LMO7: variants seen among roughly 807,000 people sequenced by gnomAD.
The protein encoded by LMO7 is LIM domain 7.
LMO7 carries 120 observed loss-of-function variants against 206.5 expected under a neutral mutation model. The observed-to-expected ratio is 0.58, with a 90% CI of 0.50 to 0.68. The LOEUF (loss-of-function observed/expected upper bound fraction) is 0.68. Among genes scored for constraint, LMO7 ranks in the 30% least tolerant of loss-of-function variants. LMO7 has a pLI of 0.00. For missense variants in LMO7, 1,959 were observed against 1,957.9 expected (o/e 1.00, Z -0.01); for synonymous variants, 706 against 681.5 (o/e 1.04, Z -0.56).
At chr13:75,638,232 C>T (rs1026757543) in intron 1 of LMO7, among the ~76,000 whole-genome samples, 4 of 152,060 alleles carry the variant, frequency 2.6e-5, no homozygotes, top group Non-Finnish European at 1.5e-5. Flanking sequence ...GTATTTGCTT[C>T]AGGAAACATG....
At chr13:75,746,437 G>T (rs948556776) in intron 3 of LMO7, among the ~76,000 whole-genome samples, 1 of 152,332 alleles carries the variant, frequency 6.6e-6, no homozygotes. Context: ...ATCAACGGGC[G>T]TGTCCCCATG....
intron 4 of LMO7, among the ~76,000 whole-genome samples, chr13:75,792,237 G>T (rs915772533): frequency 2.6e-5 from 4 of 152,070 alleles, no homozygotes; most frequent in African/African-American, 9.7e-5. Context: ...CAAAGTGCTG[G>T]GATTACAGGA....
chr13:75,636,820 A>T, intron 1 of LMO7, 94 bp downstream of exon 1: 1 of 1,294,650 alleles, frequency 7.7e-7, no homozygotes, highest in African/African-American at 1.5e-5. Flanking sequence ...TCTGCACTTT[A>T]GCCTCCTTCG....
intron 1 of LMO7, among the ~76,000 whole-genome samples, chr13:75,654,876 C>CTCT (rs1555288249): frequency 1.5e-4 from 21 of 141,174 alleles, no homozygotes; most frequent in East Asian, 4.1e-4. Context: ...TCTCTTCTCT[C>CTCT]TTTTTTTTTT....
intron 2 of LMO7, among the ~76,000 whole-genome samples, chr13:75,625,222 C>A (rs2033867960): frequency 1.3e-5 from 2 of 152,204 alleles, no homozygotes; most frequent in East Asian, 1.9e-4. Flanking sequence ...CAAAGAATTT[C>A]TCTTTTCCAC....
intron 1 of LMO7, among the ~76,000 whole-genome samples, chr13:75,664,007 T>C (rs919297569): frequency 6.6e-6 from 1 of 152,196 alleles, no homozygotes; most frequent in African/African-American, 2.4e-5. Flanking sequence ...CTCTTTCAGT[T>C]ATTTTAAAAT....
chr13:75,807,634 A>T lies in LMO7; in HGVS notation c.1351A>T (p.Met451Leu). 3.1e-6 allele frequency: 5 copies of T among 1,613,992 alleles called. No homozygotes were observed. The highest frequency in any genetic ancestry group is 4.2e-6 in the Non-Finnish European group (5 of 1,179,884). ...APGYRRDDLEMAALDPDLEND... is the reference protein window; with the variant it reads ...APGYRRDDLELAALDPDLEND... The stretch of plus-strand genomic sequence containing the variant: ...AGGCTATAGAAGAGATGACCTCGAG[A>T]TGGCAGCCCTGGATCCTGACTTAGA... The change falls in exon 10 of 31, where the codon ATG (methionine) becomes TTG (leucine). Residue 451 changes from methionine to leucine, a missense_variant. By Grantham distance (15) the Met-to-Leu change is conservative. Coordinates refer to ENST00000377534, the MANE Select transcript of LMO7 (RefSeq NM_001306080.2).
chr13:75,843,905 A>G (rs2059756484), intron 25 of LMO7, among the ~76,000 whole-genome samples: 1 of 152,298 alleles, frequency 6.6e-6, no homozygotes, highest in Non-Finnish European at 1.5e-5. Flanking sequence ...ATAAAAGGGG[A>G]AAAGGAAAGG....
chr13:75,817,471 T>C (rs1228772360), intron 12 of LMO7, among the ~76,000 whole-genome samples, 193 bp downstream of exon 12: 1 of 152,188 alleles, frequency 6.6e-6, no homozygotes, highest in Non-Finnish European at 1.5e-5. Flanking sequence ...TTAAAGGCCA[T>C]TGTGAAAAAT....
intron 1 of LMO7, among the ~76,000 whole-genome samples, chr13:75,701,425 T>A (rs929842283): frequency 3.3e-5 from 5 of 152,206 alleles, no homozygotes; most frequent in Non-Finnish European, 5.9e-5. Context: ...ATGAATGTGA[T>A]CCCACAGCGA....
At chr13:75,701,186 GAAGGTTGACAGA>G (rs2137903645) in intron 1 of LMO7, among the ~76,000 whole-genome samples, 3 of 105,440 alleles carry the variant, frequency 2.8e-5, no homozygotes, top group African/African-American at 8.7e-5. Context: ...TTTGCTTCTG[GAAGGTTGACAGA>G]TGGACTTCGT....
chr13:75,680,765 C>T (rs2040414794), intron 1 of LMO7, among the ~76,000 whole-genome samples: 1 of 152,106 alleles, frequency 6.6e-6, no homozygotes, highest in African/African-American at 2.4e-5. Flanking sequence ...GTTCCCCTCC[C>T]TGTGTCCATG....
intron 3 of LMO7, among the ~76,000 whole-genome samples, chr13:75,753,739 A>G (rs2047458869): frequency 6.6e-6 from 1 of 152,190 alleles, no homozygotes; most frequent in Non-Finnish European, 1.5e-5. Context: ...CCTCTCCACA[A>G]TGATTTTAAG....
At chr13:75,827,847 A>G (rs148778431) in intron 15 of LMO7, among the ~76,000 whole-genome samples, 34 of 152,336 alleles carry the variant, frequency 2.2e-4, no homozygotes, top group African/African-American at 6.5e-4. Flanking sequence ...GAAGGAAGGA[A>G]GGAAGCTTTC....
At chr13:75,626,611 G>T (rs1000160437) in intron 2 of LMO7, among the ~76,000 whole-genome samples, 8 of 87,146 alleles carry the variant, frequency 9.2e-5, no homozygotes, top group African/African-American at 2.9e-4. Flanking sequence ...TTGAGACAGG[G>T]TCTCACTCTG....
intron 3 of LMO7, among the ~76,000 whole-genome samples, chr13:75,739,917 A>T (rs1031604032): frequency 2.0e-5 from 3 of 152,196 alleles, no homozygotes; most frequent in African/African-American, 4.8e-5. Context: ...TCCAAAATTG[A>T]AACCAAGAGA....
chr13:75,779,857 A>G (rs1465574128), intron 4 of LMO7, among the ~76,000 whole-genome samples: 3 of 152,070 alleles, frequency 2.0e-5, no homozygotes, highest in Non-Finnish European at 4.4e-5. Flanking sequence ...GTTCTTTTCT[A>G]TTTTCCCTAA....
chr13:75,642,142 G>T (rs987649176), intron 1 of LMO7, among the ~76,000 whole-genome samples: 1 of 152,190 alleles, frequency 6.6e-6, no homozygotes, highest in Non-Finnish European at 1.5e-5. Context: ...AGAATAGCCT[G>T]ACTCCAGGAA....
intron 5 of LMO7, among the ~76,000 whole-genome samples, chr13:75,795,865 G>T (rs1444312969): frequency 6.6e-6 from 1 of 152,098 alleles, no homozygotes; most frequent in Non-Finnish European, 1.5e-5. Flanking sequence ...AATGCATGTG[G>T]GACTTAATAG....
Sources: allele counts gnomAD v4.1 joint callset (sites outside exome capture counted in the v4.1 genomes callset), GRCh38; gene constraint gnomAD v4.1.1; transcripts MANE v1.5; gene names NCBI Gene and HGNC (gene_info 2026-07-23, HGNC 2026-07-21).